Variants in CLIC5 observed in about 807,000 individuals in gnomAD.
CLIC5 encodes the protein chloride intracellular channel protein 5.
CLIC5 carries 20 observed loss-of-function variants against 24.7 expected under a neutral mutation model. That is an observed-to-expected ratio of 0.81 (90% CI 0.57 to 1.18). CLIC5 has a LOEUF of 1.18. Ranked by LOEUF, CLIC5 falls within the 50% of genes most tolerant of loss-of-function variation. The pLI, the probability that CLIC5 is intolerant of heterozygous loss-of-function variation, is 0.00. For synonymous variants in CLIC5, 159 were observed against 135.6 expected (o/e 1.17, Z -1.20); for missense variants, 341 against 326.1 (o/e 1.05, Z -0.35).
chr6:46,017,307 T>G (rs7739464), upstream of CLIC5, among the ~76,000 whole-genome samples: 12,077 of 152,236 alleles, frequency 0.079, 575 homozygotes, highest in Middle Eastern at 0.12. Context: ...ATTAAAAAAT[T>G]TATCGCTTAA....
chr6:46,093,602 T>C, the CLIC5 span, among the ~76,000 whole-genome samples: 1 of 152,210 alleles, frequency 6.6e-6, no homozygotes, highest in African/African-American at 2.4e-5. Flanking sequence ...CTAATATGGC[T>C]AAAATTAAAG....
At chr6:45,966,187 A>T (rs1031391517) in intron 1 of CLIC5, among the ~76,000 whole-genome samples, 3 of 152,222 alleles carry the variant, frequency 2.0e-5, no homozygotes, top group African/African-American at 7.2e-5. Context: ...CTAAAATGAA[A>T]TCTGAGTCCT....
intron 5 of CLIC5, chr6:45,913,906 GAT>G (rs1416969729): frequency 1.2e-6 from 1 of 805,804 alleles, no homozygotes; most frequent in African/African-American, 1.8e-5. Context: ...CCTTTGGAGT[GAT>G]ATGACTGTAT....
Position 45,902,851 on chromosome 6 carries a change from G to A in CLIC5, c.*237C>T. 2 of 528,474 alleles carry A rather than the reference G, an allele frequency of 3.8e-6. No individual in the cohort carries two copies. Among genetic ancestry groups the A allele is most frequent in the Non-Finnish European group, 6.7e-6 (2 of 298,774 alleles). The allele number at this position is 528,474 out of a possible 1,614,324, so 32.7% of individuals were successfully genotyped here. On this transcript the variant is annotated 3_prime_UTR_variant, in exon 6 of 6. Coordinates refer to ENST00000339561, the MANE Select transcript of CLIC5 (RefSeq NM_016929.5). ...AAACATGCTGAGCCCAGATCAGGCT[G>A]GCCGGCCGAAAGGTGGACTGTGTCT... is the stretch of plus-strand genomic sequence containing the variant.
At chr6:46,088,010 G>A in the CLIC5 span, among the ~76,000 whole-genome samples, 1 of 151,974 alleles carries the variant, frequency 6.6e-6, no homozygotes, top group Non-Finnish European at 1.5e-5. Context: ...TTTTAATTAT[G>A]TTTCTCTACC....
intron 6 of CLIC5, among the ~76,000 whole-genome samples, chr6:45,881,993 A>G (rs368461772): frequency 7.0e-6 from 1 of 141,968 alleles, no homozygotes; most frequent in Non-Finnish European, 1.5e-5. Context: ...AAAAAAAAAA[A>G]GTGATGTGAA....
At chr6:45,975,403 T>A (rs2127408278) in intron 1 of CLIC5, among the ~76,000 whole-genome samples, 1 of 152,326 alleles carries the variant, frequency 6.6e-6, no homozygotes, top group Non-Finnish European at 1.5e-5. Context: ...GTGGCTCCTG[T>A]CATTCGATAT....
At chr6:45,907,893 G>C (rs573730495) in intron 5 of CLIC5, among the ~76,000 whole-genome samples, 1 of 152,202 alleles carries the variant, frequency 6.6e-6, no homozygotes, top group African/African-American at 2.4e-5. Context: ...CTACTTGTAG[G>C]CCTTTTATTT....
In CLIC5 at chr6:45,914,345, T is replaced by C. The variant is rs1762935694; in HGVS notation, c.471A>G (p.Pro157=). The C allele has an allele frequency of 1.2e-6, 2 of 1,609,834 alleles. No homozygotes were observed. The highest frequency in any genetic ancestry group is 8.5e-7 in the Non-Finnish European group (1 of 1,176,902). Residue 157 remains proline, a synonymous_variant, in exon 5 of 6, where the codon CCA becomes CCG. Coordinates refer to ENST00000339561, the MANE Select transcript of CLIC5 (RefSeq NM_016929.5). ...KLDDYLNTPL[P]EEIDANTCGE... ...CACAAGTGTTGGCGTCAATCTCCTCTGGTAGAGGGGTGTTCAGGTAGTCAT... is the reference window on the plus strand; with the variant it reads ...CACAAGTGTTGGCGTCAATCTCCTCCGGTAGAGGGGTGTTCAGGTAGTCAT...
chr6:46,015,773 G>A lies in CLIC5; in HGVS notation c.-231C>T. 1 of 1,230,798 alleles carries A rather than the reference G, an allele frequency of 8.1e-7. No homozygotes were observed. Among genetic ancestry groups the A allele is most frequent in the Non-Finnish European group, 1.0e-6 (1 of 986,330 alleles). 76.2% of individuals were successfully genotyped at this position (1,230,798 alleles called of 1,614,324 possible). On this transcript the variant is annotated 5_prime_UTR_variant, in exon 1 of 6. Transcript: ENST00000339561. ...CCGGGAGGAGGCGGGGGGCCACGGG[G>A]AAAGCCGGGTTAAGGGAATGACAAC...
intron 1 of CLIC5, among the ~76,000 whole-genome samples, chr6:46,059,116 T>C (rs746102696): frequency 4.6e-5 from 7 of 152,208 alleles, no homozygotes; most frequent in Non-Finnish European, 7.3e-5. Context: ...GCTTCTCAAA[T>C]CTGTAATAAA....
At chr6:45,980,957 G>T (rs1357597504) in intron 1 of CLIC5, among the ~76,000 whole-genome samples, 3 of 151,912 alleles carry the variant, frequency 2.0e-5, no homozygotes, top group Non-Finnish European at 4.4e-5. Flanking sequence ...TTCATTTAGT[G>T]CTTATTTTCA....
Position 46,044,172 on chromosome 6 carries a change from C to T in CLIC5, c.540+35531G>A, listed in dbSNP as rs79826531. On this transcript the variant is annotated intron_variant, in intron 1 of 5. Coordinates refer to the CLIC5 transcript ENST00000185206. The stretch of plus-strand genomic sequence containing the variant: ...CTGTGAATGCTTCAAAGGTTCTTTC[C>T]TTGGAAGATGCCATCTGTTGTGGCT... 5.1e-4 allele frequency among the ~76,000 whole-genome samples: 78 copies of T among 152,298 alleles called. No homozygotes were observed. In the East Asian group the frequency reaches 0.01, roughly 20 times the overall value.
Position 45,907,058 on chromosome 6 carries a change from C to T in CLIC5, c.589-3803G>A, listed in dbSNP as rs534967216. On this transcript the variant is annotated intron_variant, in intron 5 of 5. Coordinates refer to ENST00000339561, the MANE Select transcript of CLIC5 (RefSeq NM_016929.5). ...GCTCTGGCAAGGACTTCCACTACTA[C>T]ATTGAATAGGAGTGGTGAGAGTGGG... Among the ~76,000 whole-genome samples the T allele has an allele frequency of 1.4e-3, 220 of 152,260 alleles. 2 individuals carry two copies. Among genetic ancestry groups the T allele is most frequent in the African/African-American group, 5.1e-3 (210 of 41,546 alleles).
intron 1 of CLIC5, among the ~76,000 whole-genome samples, chr6:46,010,855 G>A (rs917111213): frequency 5.3e-5 from 8 of 152,210 alleles, no homozygotes; most frequent in Non-Finnish European, 8.8e-5. Flanking sequence ...TAGTGGGAAA[G>A]AAAAACACAG....
intron 1 of CLIC5, among the ~76,000 whole-genome samples, chr6:45,986,994 TG>T (rs977206315): frequency 1.5e-4 from 23 of 152,346 alleles, no homozygotes; most frequent in Admixed American, 1.5e-3. Context: ...TCAGTGGCAG[TG>T]TGTCTCACTT....
intron 1 of CLIC5, among the ~76,000 whole-genome samples, chr6:45,971,975 T>C (rs939015744): frequency 5.9e-5 from 9 of 152,214 alleles, no homozygotes; most frequent in African/African-American, 2.2e-4. Flanking sequence ...TGTTTTACTT[T>C]TCTCTTCTCA....
chr6:46,043,972 TG>T (rs927145329), intron 1 of CLIC5, among the ~76,000 whole-genome samples: 5 of 152,208 alleles, frequency 3.3e-5, no homozygotes, highest in Non-Finnish European at 5.9e-5. Context: ...CTGTGTGTTG[TG>T]GGGTAGGCGA....
intron 1 of CLIC5, among the ~76,000 whole-genome samples, chr6:46,076,635 C>T (rs1412342437): frequency 1.3e-5 from 2 of 152,138 alleles, no homozygotes; most frequent in Non-Finnish European, 2.9e-5. Context: ...AGTTTAGCCC[C>T]ATAAGACTCA....
Sources: gnomAD v4.1 joint callset for allele counts (sites outside exome capture counted in the v4.1 genomes callset) on GRCh38, gnomAD v4.1.1 for gene constraint, MANE v1.5 for transcripts, NCBI Gene and HGNC (gene_info 2026-07-23, HGNC 2026-07-21) for gene names.